The following CA5A variants were observed in gnomAD, a reference collection of about 807,000 sequenced individuals.
The protein encoded by CA5A is carbonic anhydrase 5A, mitochondrial.
CA5A carries 28 observed loss-of-function variants against 37.1 expected under a neutral mutation model. That is an observed-to-expected ratio of 0.75 (90% CI 0.56 to 1.03). The LOEUF is 1.03. Among genes scored for constraint, CA5A ranks in the 50% least tolerant of loss-of-function variants. CA5A has a pLI of 0.00. For missense variants in CA5A, 444 were observed against 399.9 expected, an observed-to-expected ratio of 1.11 and a Z score of -0.94; for synonymous variants, 171 against 158.4, an observed-to-expected ratio of 1.08 and a Z score of -0.60.
intron 2 of CA5A, among the ~76,000 whole-genome samples, chr16:87,920,799 A>G (rs930467002): frequency 1.3e-5 from 2 of 148,540 alleles, no homozygotes; most frequent in African/African-American, 2.5e-5. Context: ...TTGTATTTTT[A>G]CTTTTTTTTT....
chr16:87,892,025 C>T (rs1473276480), intron 5 of CA5A, 71 bp from the exon 6 acceptor site: 4 of 1,367,868 alleles, frequency 2.9e-6, no homozygotes, highest in East Asian at 2.9e-5. Context: ...TGTCTCAGCA[C>T]GTGAGGCCTT....
intron 2 of CA5A, among the ~76,000 whole-genome samples, chr16:87,913,539 A>G (rs1387219829): frequency 6.6e-6 from 1 of 152,074 alleles, no homozygotes; most frequent in Non-Finnish European, 1.5e-5. Context: ...GCTAGAGTCT[A>G]TTCAGCATTT....
chr16:87,918,392 C>G (rs4843738), intron 2 of CA5A, among the ~76,000 whole-genome samples: 1 of 152,032 alleles, frequency 6.6e-6, no homozygotes, highest in African/African-American at 2.4e-5. Flanking sequence ...CCCTCCTCCC[C>G]CCGCTTTGCT....
At chr16:87,931,966 C>T (rs564935726) in intron 1 of CA5A, among the ~76,000 whole-genome samples, 3 of 137,162 alleles carry the variant, frequency 2.2e-5, no homozygotes, top group South Asian at 3.0e-4. Context: ...TGAGGCTGGG[C>T]GTGGTCGTGC....
At chr16:87,887,221 AG>A (rs1223935238), downstream of CA5A, 1 of 151,694 alleles carries the variant, frequency 6.6e-6, no homozygotes, top group Non-Finnish European at 1.5e-5. Flanking sequence ...CTTTTGAAGT[AG>A]GTCTTGACAT....
intron 5 of CA5A, chr16:87,893,084 C>T: frequency 1.2e-6 from 1 of 804,420 alleles, no homozygotes; most frequent in East Asian, 2.7e-5. Context: ...CCCGAGGCTG[C>T]CTGAAGGAAC....
intron 4 of CA5A, chr16:87,882,661 T>G (rs1294987887): frequency 2.0e-5 from 3 of 152,208 alleles, no homozygotes; most frequent in Non-Finnish European, 4.4e-5. Flanking sequence ...CTGCTGAATG[T>G]GCACAACACA....
chr16:87,891,991 A>G, intron 5 of CA5A, 37 bp from the exon 6 acceptor site: 1 of 1,491,228 alleles, frequency 6.7e-7, no homozygotes, highest in Non-Finnish European at 8.9e-7. Flanking sequence ...GTCAGTCCTC[A>G]GGGGAGACTA....
chr16:87,904,438 G>A (rs1184539588), intron 3 of CA5A, among the ~76,000 whole-genome samples: 1 of 152,200 alleles, frequency 6.6e-6, no homozygotes, highest in African/African-American at 2.4e-5. Flanking sequence ...AGAGGGCCTT[G>A]TGGATTTGCT....
intron 2 of CA5A, among the ~76,000 whole-genome samples, chr16:87,908,509 AAG>A (rs1256198119): frequency 1.3e-5 from 2 of 152,190 alleles, no homozygotes; most frequent in Non-Finnish European, 2.9e-5. Context: ...TAGGGTTCCA[AAG>A]AGAGCGACGC....
At chr16:87,907,183 A>G (rs187871446) in intron 2 of CA5A, among the ~76,000 whole-genome samples, 1 of 152,272 alleles carries the variant, frequency 6.6e-6, no homozygotes, top group East Asian at 1.9e-4. Flanking sequence ...GCGCCAATGC[A>G]CTTCAGCCTG....
intron 5 of CA5A, among the ~76,000 whole-genome samples, chr16:87,895,484 G>A (rs2055788812): frequency 6.6e-6 from 1 of 152,218 alleles, no homozygotes; most frequent in South Asian, 2.1e-4. Flanking sequence ...GGCAGAGGTT[G>A]CAGTGAGCTG....
chr16:87,906,643 A>G (rs910050213), intron 2 of CA5A, among the ~76,000 whole-genome samples: 2 of 151,922 alleles, frequency 1.3e-5, no homozygotes, highest in Non-Finnish European at 1.5e-5. Flanking sequence ...AAAAGTACTC[A>G]TAGTTGGAGG....
downstream of CA5A, chr16:87,886,173 A>C (rs2055646724): frequency 6.9e-6 from 1 of 145,026 alleles, no homozygotes; most frequent in Non-Finnish European, 1.5e-5. Flanking sequence ...TTTTGAGACA[A>C]AGTTTCGCTC....
intron 5 of CA5A, among the ~76,000 whole-genome samples, chr16:87,892,531 T>TAATAAG (rs1280721392): frequency 4.7e-5 from 5 of 105,516 alleles, no homozygotes; most frequent in Non-Finnish European, 7.2e-5. Flanking sequence ...ATAATAATAA[T>TAATAAG]AATAATAATA....
At chr16:87,918,152 C>G (rs1465716876) in intron 2 of CA5A, among the ~76,000 whole-genome samples, 1 of 152,170 alleles carries the variant, frequency 6.6e-6, no homozygotes, top group East Asian at 1.9e-4. Flanking sequence ...GCTCTCAGGC[C>G]TCGTTTGGAT....
intron 1 of CA5A, among the ~76,000 whole-genome samples, chr16:87,934,691 G>A (rs2056447933): frequency 6.6e-6 from 1 of 152,220 alleles, no homozygotes; most frequent in Non-Finnish European, 1.5e-5. Context: ...TGGGTGCAGT[G>A]GCTCACGCCT....
chr16:87,915,072 C>T (rs2056115803), intron 2 of CA5A, among the ~76,000 whole-genome samples: 2 of 152,246 alleles, frequency 1.3e-5, no homozygotes, highest in African/African-American at 4.8e-5. Context: ...TCTTCATCCA[C>T]ACAACTGCCC....
At chr16:87,923,761 T>G in intron 2 of CA5A, 2 of 985,228 alleles carry the variant, frequency 2.0e-6, no homozygotes, top group Non-Finnish European at 2.4e-6. Flanking sequence ...AAATCAGTTA[T>G]TAAAATATCA....
Sources: gnomAD v4.1 joint callset for allele counts (sites outside exome capture counted in the v4.1 genomes callset) on GRCh38, gnomAD v4.1.1 for gene constraint, MANE v1.5 for transcripts, NCBI Gene and HGNC (gene_info 2026-07-23, HGNC 2026-07-21) for gene names.